Variants in FAAH2 observed in about 807,000 individuals in gnomAD.
The protein encoded by FAAH2 is fatty acid amide hydrolase 2, also known as fatty-acid amide hydrolase 2.
In FAAH2, 60 loss-of-function variants were observed where a neutral mutation model predicts 36.9. The observed-to-expected ratio is 1.63, with a 90% CI of 1.32 to 2.02. FAAH2 has a LOEUF of 2.02. FAAH2 is among the 30% of genes most tolerant of loss of function. The pLI is 0.00. For synonymous variants in FAAH2, 214 were observed against 143.8 expected (o/e 1.49, Z -3.49); for missense variants, 689 against 397.5 (o/e 1.73, Z -6.23).
chrX:57,247,214 G>T, the FAAH2 span, among the ~76,000 whole-genome samples: 1 of 111,146 alleles, frequency 9.0e-6, no homozygotes. Context: ...GGCTCTGAGG[G>T]AAAAGAACAG....
chrX:57,444,352 C>T (rs1194159826), intron 8 of FAAH2, among the ~76,000 whole-genome samples: 1 of 112,017 alleles, frequency 8.9e-6, no homozygotes, highest in African/African-American at 3.2e-5. Flanking sequence ...GCAGTTTGAT[C>T]TCAGACTGCT....
At chrX:57,481,905 T>C (rs2057386730) in intron 10 of FAAH2, among the ~76,000 whole-genome samples, 1 of 111,970 alleles carries the variant, frequency 8.9e-6, no homozygotes, top group Non-Finnish European at 1.9e-5. Context: ...TAGTTTTGTC[T>C]GTAAGCACCC....
chrX:57,373,366 T>C (rs1204702161), intron 5 of FAAH2, among the ~76,000 whole-genome samples: 1 of 103,838 alleles, frequency 9.6e-6, no homozygotes, highest in Non-Finnish European at 2.0e-5. Context: ...AGTGTTTCTT[T>C]TTCAATGCAT....
intron 5 of FAAH2, among the ~76,000 whole-genome samples, chrX:57,352,073 T>C (rs1375766236): frequency 1.2e-4 from 4 of 33,813 alleles, no homozygotes; most frequent in Non-Finnish European, 2.1e-4. Context: ...TATACACATA[T>C]ATATATGTGT....
Position 57,361,751 on chromosome X carries a change from T to C in FAAH2, c.743-16900T>C, listed in dbSNP as rs1047067205. ...TCCATGAAATGATGAGAAGGTTGTG[T>C]ATTTTGCAGTCATTGGATAAAATGC... On this transcript the variant is annotated intron_variant, in intron 5 of 10. Coordinates refer to ENST00000374900, the MANE Select transcript of FAAH2 (RefSeq NM_174912.4). Among the ~76,000 whole-genome samples, 7 of 111,857 alleles carry C rather than the reference T, an allele frequency of 6.3e-5. No homozygotes were observed. In the Admixed American group the frequency reaches 6.7e-4, roughly 11 times the overall value.
At chrX:57,418,684 G>C (rs893214426) in intron 7 of FAAH2, among the ~76,000 whole-genome samples, 1 of 94,003 alleles carries the variant, frequency 1.1e-5, no homozygotes, top group African/African-American at 3.8e-5. Flanking sequence ...TGACCATCTT[G>C]CCTGCACCCT....
chrX:57,225,464 G>C, the FAAH2 span, among the ~76,000 whole-genome samples: 1 of 111,676 alleles, frequency 9.0e-6, no homozygotes, highest in African/African-American at 3.3e-5. Flanking sequence ...AGTCCTTTTG[G>C]AGTTCATTTC....
the FAAH2 span, among the ~76,000 whole-genome samples, chrX:57,177,525 G>A: frequency 1.2e-3 from 114 of 92,278 alleles, no homozygotes; most frequent in Non-Finnish European, 2.1e-3. Context: ...AATGTGGGTC[G>A]GTTCGGGAGC....
intron 8 of FAAH2, among the ~76,000 whole-genome samples, chrX:57,432,758 C>T (rs1162533073): frequency 9.0e-6 from 1 of 111,354 alleles, no homozygotes; most frequent in African/African-American, 3.3e-5. Flanking sequence ...TGTGTTAGAG[C>T]ATGACACATC....
intron 8 of FAAH2, among the ~76,000 whole-genome samples, chrX:57,438,694 G>T (rs1008208212): frequency 3.7e-5 from 4 of 108,841 alleles, no homozygotes; most frequent in African/African-American, 1.3e-4. Context: ...TTGGTGTGCT[G>T]CACCCATTAA....
At chrX:57,397,027 A>G (rs1207249475) in intron 7 of FAAH2, among the ~76,000 whole-genome samples, 4 of 111,653 alleles carry the variant, frequency 3.6e-5, no homozygotes, top group Admixed American at 2.9e-4. Context: ...GGGTGCATAT[A>G]TATTTAGGAT....
chrX:57,333,608 A>AT (rs1555973505), intron 4 of FAAH2, among the ~76,000 whole-genome samples: 93 of 110,735 alleles, frequency 8.4e-4, no homozygotes, highest in African/African-American at 2.9e-3. Context: ...ATAAAAAAAA[A>AT]ATATAACAGA....
At chrX:57,129,315 A>T in the FAAH2 span, among the ~76,000 whole-genome samples, 1 of 111,936 alleles carries the variant, frequency 8.9e-6, no homozygotes, top group African/African-American at 3.2e-5. Context: ...GTATATCTGT[A>T]CTTTATACAT....
At chrX:57,247,314 C>A in the FAAH2 span, among the ~76,000 whole-genome samples, 2 of 111,491 alleles carry the variant, frequency 1.8e-5, no homozygotes, top group African/African-American at 6.5e-5. Flanking sequence ...TTTATTATGA[C>A]AGAAAAACAG....
chrX:57,190,731 G>T, the FAAH2 span, among the ~76,000 whole-genome samples: 69 of 110,013 alleles, frequency 6.3e-4, no homozygotes, highest in African/African-American at 2.1e-3. Flanking sequence ...TGCATCCATT[G>T]CCTAACCTCT....
At chrX:57,165,759 T>C in the FAAH2 span, among the ~76,000 whole-genome samples, 2 of 111,095 alleles carry the variant, frequency 1.8e-5, no homozygotes, top group Non-Finnish European at 3.8e-5. Context: ...GCTGAGCATG[T>C]ATAATGGTAA....
At chrX:57,445,369 A>G (rs894017247) in intron 8 of FAAH2, among the ~76,000 whole-genome samples, 1 of 111,264 alleles carries the variant, frequency 9.0e-6, no homozygotes, top group African/African-American at 3.3e-5. Context: ...TTTTATGCTG[A>G]GTTGTCTAGA....
rs1167899712 is a variant in FAAH2, at chrX:57,431,953, A to G, written c.1032A>G (p.Ser344=). Residue 344 remains serine, a synonymous_variant, in exon 8 of 11, where the codon TCA becomes TCG. Transcript: ENST00000374900. ...ACCTTGAAACTATTCTAGGAGCCTCAGTTCAACATGTTAAACTGAAGAAAA... is the reference window on the plus strand; with the variant it reads ...ACCTTGAAACTATTCTAGGAGCCTCGGTTCAACATGTTAAACTGAAGAAAA... ...VVHLETILGA[S]VQHVKLKKMK... is the part of the protein sequence containing the mutation. The G allele has an allele frequency of 8.3e-7, 1 of 1,204,260 alleles. No homozygotes were observed. Among genetic ancestry groups the G allele is most frequent in the South Asian group, 1.8e-5 (1 of 56,411 alleles).
chrX:57,443,150 G>T (rs954601155), intron 8 of FAAH2, among the ~76,000 whole-genome samples: 1 of 111,811 alleles, frequency 8.9e-6, no homozygotes, highest in Non-Finnish European at 1.9e-5. Context: ...GAATTTGAAT[G>T]TTGGCCTGCC....
Sources: gnomAD v4.1 joint callset for allele counts (sites outside exome capture counted in the v4.1 genomes callset) on GRCh38, gnomAD v4.1.1 for gene constraint, MANE v1.5 for transcripts, NCBI Gene and HGNC (gene_info 2026-07-23, HGNC 2026-07-21) for gene names.